Variants in ROBO2 observed in about 807,000 individuals in gnomAD.
ROBO2 encodes the protein roundabout homolog 2.
A neutral mutation model predicts 160.8 loss-of-function variants in ROBO2; 53 were observed. The ratio of observed to expected loss-of-function variants is 0.33; its 90% CI spans 0.26 to 0.41. ROBO2 has a LOEUF of 0.41. Among genes scored for constraint, ROBO2 ranks in the 10% least tolerant of loss-of-function variants. ROBO2 has a pLI of 1.00. For missense variants in ROBO2, 1,577 were observed against 1,722.4 expected, an observed-to-expected ratio of 0.92 and a Z score of 1.49; for synonymous variants, 664 against 611.7, an observed-to-expected ratio of 1.09 and a Z score of -1.26.
chr3:76,941,357 A>G (rs2078174563), intron 2 of ROBO2, among the ~76,000 whole-genome samples: 1 of 152,102 alleles, frequency 6.6e-6, no homozygotes, highest in African/African-American at 2.4e-5. Context: ...ATCATTTCAA[A>G]TGTTTTATTA....
At chr3:77,170,016 G>A (rs1227156290) in intron 2 of ROBO2, among the ~76,000 whole-genome samples, 3 of 152,108 alleles carry the variant, frequency 2.0e-5, no homozygotes, top group East Asian at 1.9e-4. Context: ...GACTGACACC[G>A]GGGAAGCTTC....
At chr3:77,595,664 C>T (rs1321304151) in intron 18 of ROBO2, among the ~76,000 whole-genome samples, 2 of 152,120 alleles carry the variant, frequency 1.3e-5, no homozygotes, top group Non-Finnish European at 2.9e-5. Flanking sequence ...ACTCATATAT[C>T]CTCATCTATT....
At chr3:76,402,775 C>T (rs537050237) in intron 2 of ROBO2, among the ~76,000 whole-genome samples, 171 of 151,592 alleles carry the variant, frequency 1.1e-3, no homozygotes, top group Non-Finnish European at 1.6e-3. Flanking sequence ...TCAAATTCCT[C>T]TCAATTTGAA....
At chr3:76,027,961 A>G (rs904589710) in intron 2 of ROBO2, among the ~76,000 whole-genome samples, 8 of 152,076 alleles carry the variant, frequency 5.3e-5, no homozygotes. Context: ...TAGTCCATCA[A>G]TCAAAGCCAA....
At chr3:77,648,343 C>A (rs1279309748) in exon 26 of ROBO2, 2 of 152,152 alleles carry the variant, frequency 1.3e-5, no homozygotes, top group African/African-American at 4.8e-5. Context: ...AGCCTTTGAT[C>A]CCTGGTAACT....
chr3:76,601,902 TATAAATCTAA>T (rs765301215), intron 2 of ROBO2, among the ~76,000 whole-genome samples: 19 of 152,218 alleles, frequency 1.2e-4, no homozygotes, highest in Non-Finnish European at 2.2e-4. Context: ...CGGCTTCCTG[TATAAATCTAA>T]ATGCCTTTAA....
intron 2 of ROBO2, among the ~76,000 whole-genome samples, chr3:77,263,898 A>G (rs1040896656): frequency 6.6e-6 from 1 of 152,340 alleles, no homozygotes; most frequent in South Asian, 2.1e-4. Context: ...AGTGTTACTT[A>G]ATCTAAGCAT....
At chr3:77,600,363 T>A (rs2094406153) in intron 19 of ROBO2, among the ~76,000 whole-genome samples, 1 of 152,222 alleles carries the variant, frequency 6.6e-6, no homozygotes, top group African/African-American at 2.4e-5. Flanking sequence ...TAAAAATCAA[T>A]ACAGAAGCAC....
intron 2 of ROBO2, among the ~76,000 whole-genome samples, chr3:77,222,479 T>TA (rs2085952333): frequency 6.6e-6 from 1 of 152,158 alleles, no homozygotes; most frequent in African/African-American, 2.4e-5. Context: ...AGACTTTTTT[T>TA]TAAATGGAAA....
intron 2 of ROBO2, among the ~76,000 whole-genome samples, chr3:76,619,892 C>T (rs2088924727): frequency 6.6e-6 from 1 of 151,964 alleles, no homozygotes. Context: ...TAAGGAAGCA[C>T]CCAAGGAATT....
chr3:77,404,354 C>T lies in ROBO2; in HGVS notation c.389-73060C>T, dbSNP rs2076085689. On this transcript the variant is annotated intron_variant, in intron 2 of 25. Transcript: ENST00000461745. ...TGATTACATTTTTTCTTCTGTGTCA[C>T]TTGCAGTATGTCTTCTAACAGTTGT... is the stretch of plus-strand genomic sequence containing the variant. 2.6e-5 allele frequency among the ~76,000 whole-genome samples: 4 copies of T among 152,100 alleles called. No homozygotes were observed. In the South Asian group the frequency reaches 8.3e-4, roughly 31 times the overall value.
chr3:77,528,428 T>C (rs973048484), intron 6 of ROBO2, among the ~76,000 whole-genome samples: 1 of 151,612 alleles, frequency 6.6e-6, no homozygotes, highest in East Asian at 1.9e-4. Flanking sequence ...CTCACACATT[T>C]TTCCCCCTTC....
At chr3:77,573,595 G>T (rs954671708) in intron 13 of ROBO2, among the ~76,000 whole-genome samples, 1 of 151,944 alleles carries the variant, frequency 6.6e-6, no homozygotes, top group East Asian at 1.9e-4. Flanking sequence ...GGGCATAAAC[G>T]TTCATATGCT....
chr3:76,976,539 A>G (rs1945093119), intron 2 of ROBO2, among the ~76,000 whole-genome samples: 2 of 152,194 alleles, frequency 1.3e-5, no homozygotes, highest in South Asian at 4.1e-4. Context: ...ATGGCTGGTA[A>G]GTAGCCTCAT....
intron 2 of ROBO2, among the ~76,000 whole-genome samples, chr3:76,430,930 G>C (rs2076410120): frequency 6.6e-6 from 1 of 151,896 alleles, no homozygotes; most frequent in South Asian, 2.1e-4. Context: ...CTTTTAATTA[G>C]TGAAATTATG....
At chr3:76,639,892 A>G (rs887192773) in intron 2 of ROBO2, among the ~76,000 whole-genome samples, 2 of 152,214 alleles carry the variant, frequency 1.3e-5, no homozygotes, top group African/African-American at 4.8e-5. Context: ...TATAGTGAAG[A>G]GCTAATCTAA....
intron 2 of ROBO2, among the ~76,000 whole-genome samples, chr3:76,250,246 A>G (rs1705905556): frequency 6.6e-6 from 1 of 152,132 alleles, no homozygotes; most frequent in East Asian, 1.9e-4. Flanking sequence ...TATAACCCAG[A>G]ATATTAGAAA....
intron 2 of ROBO2, among the ~76,000 whole-genome samples, chr3:76,854,038 CT>C (rs2069735064): frequency 1.1e-4 from 10 of 88,016 alleles, no homozygotes; most frequent in African/African-American, 2.8e-4. Context: ...CTCTCTCTCT[CT>C]CTCTCTCTCT....
chr3:76,251,256 A>G (rs1470957206), intron 2 of ROBO2, among the ~76,000 whole-genome samples: 2 of 152,018 alleles, frequency 1.3e-5, no homozygotes, highest in Non-Finnish European at 2.9e-5. Flanking sequence ...ATATTAAAGA[A>G]GTAAAAAGAA....
Sources: allele counts gnomAD v4.1 joint callset (sites outside exome capture counted in the v4.1 genomes callset), GRCh38; gene constraint gnomAD v4.1.1; transcripts MANE v1.5; gene names NCBI Gene and HGNC (gene_info 2026-07-23, HGNC 2026-07-21).